The following PALS2 variants were observed in gnomAD, a reference collection of about 807,000 sequenced individuals.
PALS2 encodes protein associated with LIN7 2, MAGUK p55 family member.
A neutral mutation model predicts 61.6 loss-of-function variants in PALS2; 27 were observed. The observed-to-expected ratio is 0.44, with a 90% CI of 0.32 to 0.60. The LOEUF (loss-of-function observed/expected upper bound fraction) is 0.60. PALS2 is among the 20% of genes least tolerant of loss of function. The pLI is 0.05. For missense variants in PALS2, 554 were observed against 639.4 expected (o/e 0.87, Z 1.44); for synonymous variants, 236 against 218.6 (o/e 1.08, Z -0.70).
intron 3 of PALS2, among the ~76,000 whole-genome samples, chr7:24,647,967 A>G (rs1014989884): frequency 3.9e-5 from 6 of 152,226 alleles, no homozygotes; most frequent in Admixed American, 2.0e-4. Flanking sequence ...GGCTCAAGTC[A>G]CAGGAGTAAA....
intron 2 of PALS2, among the ~76,000 whole-genome samples, chr7:24,628,822 C>T (rs1318082409): frequency 6.6e-6 from 1 of 152,114 alleles, no homozygotes; most frequent in African/African-American, 2.4e-5. Context: ...AAACTACAAA[C>T]CACTGCTCAA....
intron 3 of PALS2, among the ~76,000 whole-genome samples, chr7:24,642,833 A>AT (rs1303262418): frequency 6.6e-6 from 1 of 152,148 alleles, no homozygotes; most frequent in Non-Finnish European, 1.5e-5. Context: ...TTGAGTCCTT[A>AT]TAAAGGCATA....
Position 24,650,516 on chromosome 7 carries a change from T to C in PALS2, c.455T>C (p.Leu152Pro). The C allele has an allele frequency of 1.2e-6, 2 of 1,606,750 alleles. No individual in the cohort carries two copies. The highest frequency in any genetic ancestry group is 1.7e-6 in the Non-Finnish European group (2 of 1,177,972). The change falls in exon 5 of 12, where the codon CTG becomes CCG. Residue 152 changes from leucine to proline, a missense_variant. By Grantham distance (98) the Leu-to-Pro change is moderately conservative. Coordinates refer to ENST00000222644, the MANE Select transcript of PALS2 (RefSeq NM_001303037.2). ...ACATTTAGGGTTGAAAATAATGATC[T>C]GGTAATTGCCCGAATCCTCCATGGG... Reference protein sequence around the residue: ...GVTFRVENNDLVIARILHGGM... With the variant: ...GVTFRVENNDPVIARILHGGM...
At chr7:24,605,630 T>C (rs536630001) in intron 1 of PALS2, among the ~76,000 whole-genome samples, 78 of 152,186 alleles carry the variant, frequency 5.1e-4, no homozygotes, top group Middle Eastern at 3.4e-3. Context: ...ACATAAAGAA[T>C]AGGTCTATAA....
At chr7:24,622,265 G>C (rs1389984296) in intron 1 of PALS2, among the ~76,000 whole-genome samples, 2 of 151,958 alleles carry the variant, frequency 1.3e-5, no homozygotes, top group Non-Finnish European at 2.9e-5. Context: ...TTTGGGAATT[G>C]TTGCCATTTT....
In PALS2 at chr7:24,668,635, C is replaced by A; in HGVS notation, c.1089C>A (p.Pro363=). 1 of 1,613,834 alleles carries A rather than the reference C, an allele frequency of 6.2e-7. No homozygotes were observed. The highest frequency in any genetic ancestry group is 8.5e-7 in the Non-Finnish European group (1 of 1,179,878). The part of the protein sequence containing the change: ...SLKNRFIVLN[P]TRFGTTVPFT... The stretch of plus-strand genomic sequence containing the variant: ...AAAACAGGTTCATAGTATTGAATCC[C>A]ACTAGATTTGGAACTACGGTGCCAT... Residue 363 remains proline, a synonymous_variant, in exon 9 of 12, where the codon CCC becomes CCA. Coordinates refer to ENST00000222644, the MANE Select transcript of PALS2 (RefSeq NM_001303037.2).
At chr7:24,658,071 T>C (rs372000920) in intron 5 of PALS2, among the ~76,000 whole-genome samples, 6 of 152,200 alleles carry the variant, frequency 3.9e-5, no homozygotes, top group African/African-American at 1.4e-4. Context: ...ATTAGGCCCA[T>C]TGAAGTTGTC....
chr7:24,669,777 G>C (rs935567885), intron 9 of PALS2, among the ~76,000 whole-genome samples: 1 of 152,122 alleles, frequency 6.6e-6, no homozygotes, highest in Non-Finnish European at 1.5e-5. Flanking sequence ...AATCCCTTCA[G>C]TGTAAATCTT....
intron 1 of PALS2, among the ~76,000 whole-genome samples, chr7:24,613,091 C>T (rs561660701): frequency 1.6e-4 from 25 of 151,596 alleles, no homozygotes; most frequent in African/African-American, 6.0e-4. Context: ...TATTAAATTA[C>T]ATTATAATTT....
intron 1 of PALS2, among the ~76,000 whole-genome samples, chr7:24,579,042 A>G (rs1583820789): frequency 6.6e-6 from 1 of 152,202 alleles, no homozygotes; most frequent in African/African-American, 2.4e-5. Context: ...TTGTATGATA[A>G]ATAAGAGTCT....
At chr7:24,617,103 C>T (rs1220607168) in intron 1 of PALS2, among the ~76,000 whole-genome samples, 1 of 151,834 alleles carries the variant, frequency 6.6e-6, no homozygotes, top group South Asian at 2.1e-4. Flanking sequence ...TTTTGTCTGC[C>T]TTAGTTATTT....
intron 9 of PALS2, among the ~76,000 whole-genome samples, chr7:24,671,475 T>G (rs564052281): frequency 1.3e-5 from 2 of 152,218 alleles, no homozygotes; most frequent in Non-Finnish European, 2.9e-5. Context: ...TCTCATTCTT[T>G]GTTGACTTCT....
chr7:24,586,732 C>G (rs116242168), intron 1 of PALS2, among the ~76,000 whole-genome samples: 2 of 152,030 alleles, frequency 1.3e-5, no homozygotes, highest in Non-Finnish European at 2.9e-5. Flanking sequence ...GATAGTCTTA[C>G]GCCTAGTAGA....
chr7:24,575,725 TGA>T (rs922326743), intron 1 of PALS2, among the ~76,000 whole-genome samples: 1 of 152,282 alleles, frequency 6.6e-6, no homozygotes, highest in South Asian at 2.1e-4. Context: ...ATATTATTGC[TGA>T]GAGAGTTACA....
At chr7:24,594,653 C>T (rs1043154794) in intron 1 of PALS2, among the ~76,000 whole-genome samples, 60 of 152,152 alleles carry the variant, frequency 3.9e-4, no homozygotes, top group Admixed American at 1.9e-3. Context: ...AGAACACATA[C>T]ATTTATCAGC....
intron 2 of PALS2, among the ~76,000 whole-genome samples, chr7:24,629,159 C>T (rs1784880161): frequency 6.6e-6 from 1 of 152,100 alleles, no homozygotes; most frequent in African/African-American, 2.4e-5. Flanking sequence ...ACCAATGGAA[C>T]AGGACAGAGG....
intron 1 of PALS2, among the ~76,000 whole-genome samples, chr7:24,591,926 C>G (rs530124380): frequency 6.6e-6 from 1 of 152,026 alleles, no homozygotes; most frequent in Non-Finnish European, 1.5e-5. Context: ...CACTAGATAG[C>G]ACTTCAGTGC....
intron 11 of PALS2, among the ~76,000 whole-genome samples, chr7:24,681,761 G>A (rs1033163148): frequency 6.6e-6 from 1 of 151,886 alleles, no homozygotes; most frequent in African/African-American, 2.4e-5. Context: ...CCACACATTC[G>A]CCTGTGCTCC....
intron 1 of PALS2, among the ~76,000 whole-genome samples, chr7:24,586,746 C>T (rs1406228575): frequency 6.6e-6 from 1 of 152,010 alleles, no homozygotes; most frequent in Middle Eastern, 3.2e-3. Context: ...TAGTAGATTA[C>T]AGTGAAGAAG....
Sources: allele counts gnomAD v4.1 joint callset (sites outside exome capture counted in the v4.1 genomes callset), GRCh38; gene constraint gnomAD v4.1.1; transcripts MANE v1.5; gene names NCBI Gene and HGNC (gene_info 2026-07-23, HGNC 2026-07-21).